The following NFASC variants were observed in gnomAD, a reference collection of about 807,000 sequenced individuals.
The protein encoded by NFASC is neurofascin homolog.
In NFASC, 43 loss-of-function variants were observed where a neutral mutation model predicts 147.5. The ratio of observed to expected loss-of-function variants is 0.29; its 90% CI spans 0.23 to 0.38. The LOEUF is 0.38. NFASC is among the 10% of genes least tolerant of loss of function. The pLI is 1.00. For synonymous variants in NFASC, 622 were observed against 665.5 expected, an observed-to-expected ratio of 0.93 and a Z score of 1.01; for missense variants, 1,320 against 1,689.0, an observed-to-expected ratio of 0.78 and a Z score of 3.83.
rs773891434 is a variant in NFASC at position 204,988,820 on chromosome 1, A to T, written c.2767+14A>T. On this transcript the variant is annotated intron_variant, in intron 23 of 29. Transcript: ENST00000339876. ...CCCCGAATGAAGGTAGGTGCATGGC[A>T]GCAGCCCCTGGGGTAAAAGGTCCCA... 2 of 1,613,268 alleles carry T rather than the reference A, an allele frequency of 1.2e-6. No homozygotes were observed. The highest frequency in any genetic ancestry group is 2.2e-5 in the South Asian group (2 of 91,066).
At chr1:204,912,139 T>C (rs79661679) in intron 1 of NFASC, among the ~76,000 whole-genome samples, 4,916 of 151,950 alleles carry the variant, frequency 0.032, 262 homozygotes, top group African/African-American at 0.11. Context: ...TGATTTCTGC[T>C]CTTTATTATT....
At position 205,021,909 on chromosome 1, in the gene NFASC, C is replaced by G. The variant is rs1316757926; in HGVS notation, c.*5370C>G. The G allele has an allele frequency of 6.6e-6, 1 of 152,662 alleles. No homozygotes were observed. The highest frequency in any genetic ancestry group is 1.5e-5 in the Non-Finnish European group (1 of 68,064). The allele number at this position is 152,662 out of a possible 1,614,324, so 9.5% of individuals were successfully genotyped here. A position where few individuals can be genotyped will look rare whatever the true frequency, so the allele number is the denominator to read the frequency against. On this transcript the variant is annotated 3_prime_UTR_variant, in exon 30 of 30. Transcript: ENST00000339876. ...GGTGTTTGTTACTGTGAACCCTAGA[C>G]CGTACCCCGTAGAATGGTGTCTCTT...
At position 205,017,701 on chromosome 1, in the gene NFASC, C is replaced by T. The variant is rs2096372825; in HGVS notation, c.*1162C>T. On this transcript the variant is annotated 3_prime_UTR_variant, in exon 30 of 30. Coordinates refer to ENST00000339876, the MANE Select transcript of NFASC (RefSeq NM_001005388.3). ...GCAGATATCATCTTCTCAGCCAATTCTGTAGGACACTGAGGCTCTTGTTTG... is the reference window on the plus strand; with the variant it reads ...GCAGATATCATCTTCTCAGCCAATTTTGTAGGACACTGAGGCTCTTGTTTG... 1 of 152,916 alleles carries T rather than the reference C, an allele frequency of 6.5e-6. No homozygotes were observed. The highest frequency in any genetic ancestry group is 3.4e-3 in the Middle Eastern group (1 of 298). The allele number at this position is 152,916 out of a possible 1,614,324, so 9.5% of individuals were successfully genotyped here. A position where few individuals can be genotyped will look rare whatever the true frequency, so the allele number is the denominator to read the frequency against.
chr1:204,968,328 G>T lies in NFASC; in HGVS notation c.786G>T (p.Met262Ile). 1 of 1,614,156 alleles carries T rather than the reference G, an allele frequency of 6.2e-7. No homozygotes were observed. The highest frequency in any genetic ancestry group is 1.1e-5 in the South Asian group (1 of 91,080). Residue 262 changes from methionine (M) to isoleucine (I), a missense_variant, in exon 9 of 30, where the codon ATG becomes ATT. Transcript: ENST00000339876. This position sits in a 1 kb window ranked among gnomAD's most constrained non-coding sequence, Gnocchi z 5.4. ...TASSQMVLRG[M>I]DLLLECIASG... ...GCAGCCAGATGGTGCTTCGTGGCAT[G>T]GACCTCCTGCTGGAATGCATCGCCT... is the stretch of plus-strand genomic sequence containing the variant.
chr1:204,982,150 G>A (rs2095521276), intron 21 of NFASC, 130 bp downstream of exon 21: 1 of 568,490 alleles, frequency 1.8e-6, no homozygotes, highest in Non-Finnish European at 3.0e-6. Flanking sequence ...AAAATGTTCT[G>A]TAGTGACCTA....
chr1:204,974,429 T>A, intron 13 of NFASC, 139 bp downstream of exon 13: 1 of 800,472 alleles, frequency 1.2e-6, no homozygotes, highest in South Asian at 1.6e-5. Context: ...GCAGATCATC[T>A]GGATCAACCT....
At chr1:204,838,036 A>G (rs1020151065) in intron 1 of NFASC, among the ~76,000 whole-genome samples, 4 of 152,278 alleles carry the variant, frequency 2.6e-5, no homozygotes, top group Admixed American at 6.5e-5. Flanking sequence ...AGCCTCCCCA[A>G]CAAACCAGGG....
In NFASC at chr1:204,975,897, G is replaced by A. The variant is rs148236474; in HGVS notation, c.1706+479G>A. Among the ~76,000 whole-genome samples, 2,428 of 152,156 alleles carry A rather than the reference G, an allele frequency of 0.016. 64 individuals carry two copies. Among genetic ancestry groups the A allele is most frequent in the African/African-American group, 0.052 (2,147 of 41,502 alleles). ...CTTTTACCACACCCACGCCTGCCCC[G>A]CTCCTCAGACCCTGATTTCATTGGT... On this transcript the variant is annotated intron_variant, in intron 15 of 29. Coordinates refer to ENST00000339876, the MANE Select transcript of NFASC (RefSeq NM_001005388.3). The surrounding 1 kb of genome is among the most constrained non-coding windows in gnomAD (Gnocchi z 4.0).
intron 2 of NFASC, among the ~76,000 whole-genome samples, chr1:204,929,955 G>T (rs928948341): frequency 2.0e-5 from 3 of 152,172 alleles, no homozygotes; most frequent in African/African-American, 7.2e-5. Context: ...TCCTTCCTTG[G>T]CATGGGAGAG....
intron 1 of NFASC, among the ~76,000 whole-genome samples, chr1:204,862,496 T>A (rs2076761543): frequency 6.6e-6 from 1 of 152,224 alleles, no homozygotes; most frequent in South Asian, 2.1e-4. Flanking sequence ...AAAAAGTCGA[T>A]GTGAATGGTT....
At chr1:204,921,603 A>G (rs6593917) in intron 2 of NFASC, among the ~76,000 whole-genome samples, 34,599 of 152,020 alleles carry the variant, frequency 0.23, 4,374 homozygotes, top group East Asian at 0.43. Flanking sequence ...GACGACATGG[A>G]CTTGGGATCC....
At position 205,019,262 on chromosome 1, in the gene NFASC, A is replaced by G. The variant is rs1184512336; in HGVS notation, c.*2723A>G. The G allele has an allele frequency of 2.0e-5, 3 of 152,408 alleles. No individual in the cohort carries two copies. Among genetic ancestry groups the G allele is most frequent in the Non-Finnish European group, 4.4e-5 (3 of 68,072 alleles). The allele number at this position is 152,408 out of a possible 1,614,324, so 9.4% of individuals were successfully genotyped here. On this transcript the variant is annotated 3_prime_UTR_variant, in exon 30 of 30. Coordinates refer to ENST00000339876, the MANE Select transcript of NFASC (RefSeq NM_001005388.3). ...GCTCAGCAGGAAAGTGGAATTGCCCAGTACTGCCTGCCAGCTGGGTCTCCC... is the reference window on the plus strand; with the variant it reads ...GCTCAGCAGGAAAGTGGAATTGCCCGGTACTGCCTGCCAGCTGGGTCTCCC...
At position 204,975,326 on chromosome 1, in the gene NFASC, G is replaced by A. The variant is rs55969362; in HGVS notation, c.1614G>A (p.Thr538=). Reference sequence around the variant, plus strand: ...ACCAGGTGGCCAGAAGGGGCACCACGGTGCAGCTGGAGTGTCGGGTGAAGC... The same window carrying A: ...ACCAGGTGGCCAGAAGGGGCACCACAGTGCAGCTGGAGTGTCGGGTGAAGC... The part of the protein sequence containing the change: ...PEDQVARRGT[T]VQLECRVKHD... Residue 538 remains threonine, a synonymous_variant, in exon 15 of 30, where the codon ACG becomes ACA. Coordinates refer to ENST00000339876, the MANE Select transcript of NFASC (RefSeq NM_001005388.3). This position sits in a 1 kb window ranked among gnomAD's most constrained non-coding sequence, Gnocchi z 4.0. 9,600 of 1,614,048 alleles carry A rather than the reference G, an allele frequency of 5.9e-3. 51 individuals are homozygous for A. The highest frequency in any genetic ancestry group is 0.011 in the East Asian group (498 of 44,866).
intron 26 of NFASC, among the ~76,000 whole-genome samples, chr1:205,002,247 T>A (rs191220901): frequency 1.5e-4 from 23 of 152,300 alleles, no homozygotes; most frequent in African/African-American, 5.3e-4. Flanking sequence ...ACCAGCCAGA[T>A]CCATGTGAAA....
intron 2 of NFASC, among the ~76,000 whole-genome samples, chr1:204,940,627 T>C (rs1481267280): frequency 6.6e-6 from 1 of 152,164 alleles, no homozygotes; most frequent in Non-Finnish European, 1.5e-5. Context: ...CCAAAGACAA[T>C]CTGTGTTTTG....
Position 204,986,261 on chromosome 1 carries a change from C to A in NFASC, c.2471-1157C>A. ...GGAGCGGATGACCTGCAAGCCGAGC[C>A]ACTACAGCCATTCCCAGACCACCAT... On this transcript the variant is annotated intron_variant, in intron 21 of 29. Coordinates refer to ENST00000339876, the MANE Select transcript of NFASC (RefSeq NM_001005388.3). This position sits in a 1 kb window ranked among gnomAD's most constrained non-coding sequence, Gnocchi z 4.2. The A allele has an allele frequency of 1.6e-6, 1 of 639,222 alleles. No individual in the cohort carries two copies. 39.6% of individuals were successfully genotyped at this position (639,222 alleles called of 1,614,324 possible). A position where few individuals can be genotyped will look rare whatever the true frequency, so the allele number is the denominator to read the frequency against.
chr1:204,974,313 T>A, intron 13 of NFASC, 23 bp downstream of exon 13: 1 of 1,571,546 alleles, frequency 6.4e-7, no homozygotes, highest in Non-Finnish European at 8.8e-7. Context: ...AGATCAGGCC[T>A]TCCACAGCAG....
intron 25 of NFASC, 63 bp from the exon 26 acceptor site, chr1:205,001,107 G>C: frequency 1.1e-6 from 1 of 924,322 alleles, no homozygotes; most frequent in Non-Finnish European, 1.7e-6. Context: ...GTATGTGTGT[G>C]TCTCCATATC....
intron 8 of NFASC, chr1:204,962,284 C>A: frequency 1.3e-6 from 1 of 797,764 alleles, no homozygotes; most frequent in Non-Finnish European, 2.1e-6. Context: ...GCCAAGGTGA[C>A]ACCTCCAGAA....
Sources: gnomAD v4.1 joint callset for allele counts (sites outside exome capture counted in the v4.1 genomes callset) on GRCh38, gnomAD v4.1.1 for gene constraint, Gnocchi (gnomAD v3.1) non-coding constraint, MANE v1.5 for transcripts, NCBI Gene and HGNC (gene_info 2026-07-23, HGNC 2026-07-21) for gene names.